The following HESX1 variants were observed in gnomAD, a reference collection of about 807,000 sequenced individuals.
The protein encoded by HESX1 is HESX homeobox 1, also known as homeobox expressed in ES cells 1.
HESX1 carries 11 observed loss-of-function variants against 22.5 expected under a neutral mutation model. That is an observed-to-expected ratio of 0.49 (90% CI 0.31 to 0.81). The LOEUF (loss-of-function observed/expected upper bound fraction) is 0.81, where lower values mean the gene tolerates loss of function less well. HESX1 is among the 30% of genes least tolerant of loss of function. The pLI is 0.05. For missense variants in HESX1, 201 were observed against 212.6 expected (o/e 0.95, Z 0.34); for synonymous variants, 74 against 76.5 (o/e 0.97, Z 0.17).
chr3:57,207,670 G>A (rs2107574327), intron 1 of HESX1, among the ~76,000 whole-genome samples: 1 of 152,292 alleles, frequency 6.6e-6, no homozygotes, highest in East Asian at 1.9e-4. Flanking sequence ...AACAACAACA[G>A]ATTATAAAAT....
At chr3:57,214,664 C>T (rs1475932479) in intron 1 of HESX1, among the ~76,000 whole-genome samples, 1 of 152,188 alleles carries the variant, frequency 6.6e-6, no homozygotes, top group Admixed American at 6.5e-5. Flanking sequence ...AAACTGCTTA[C>T]CATTACTTAC....
At chr3:57,225,271 G>A (rs1224816280) in intron 1 of HESX1, among the ~76,000 whole-genome samples, 1 of 152,178 alleles carries the variant, frequency 6.6e-6, no homozygotes, top group Non-Finnish European at 1.5e-5. Context: ...GTACAAATAG[G>A]TTAAAACTAG....
At chr3:57,206,400 T>C (rs2060519472) in intron 1 of HESX1, among the ~76,000 whole-genome samples, 1 of 152,198 alleles carries the variant, frequency 6.6e-6, no homozygotes, top group African/African-American at 2.4e-5. Context: ...GAAAGTAAAC[T>C]GAAGAGTGAA....
At chr3:57,198,980 T>C in intron 1 of HESX1, 28 bp from the exon 2 acceptor site, 4 of 1,585,442 alleles carry the variant, frequency 2.5e-6, no homozygotes, top group South Asian at 1.1e-5. Flanking sequence ...AGCCCTGTCT[T>C]AGATGGTCAA....
At chr3:57,206,624 A>G (rs1226845522) in intron 1 of HESX1, among the ~76,000 whole-genome samples, 2 of 152,216 alleles carry the variant, frequency 1.3e-5, no homozygotes, top group Non-Finnish European at 2.9e-5. Context: ...CAGTAACCAA[A>G]TGGTAAACAT....
upstream of HESX1, among the ~76,000 whole-genome samples, chr3:57,204,322 T>C (rs9882362): frequency 0.071 from 10,814 of 152,180 alleles, 1,287 homozygotes; most frequent in African/African-American, 0.24. Flanking sequence ...ACTGGCTCCA[T>C]TGAAGTTTTT....
rs145535713 is a variant in HESX1 at position 57,210,851 on chromosome 3, T to C, written c.-110-10823A>G. Among the ~76,000 whole-genome samples, 5 of 152,296 alleles carry C rather than the reference T, an allele frequency of 3.3e-5. No individual in the cohort carries two copies. The East Asian group carries it at 9.6e-4, about 29-fold the overall frequency. On this transcript the variant is annotated intron_variant, in intron 1 of 2. Transcript: ENST00000495160. ...CTACATGTGTATCACTCCAGGGCAA[T>C]CTACAGAAGAGAAGACACTATGGCA...
chr3:57,208,145 C>T (rs531136557), intron 1 of HESX1, among the ~76,000 whole-genome samples: 5 of 152,136 alleles, frequency 3.3e-5, no homozygotes, highest in African/African-American at 1.2e-4. Flanking sequence ...AATGAGGAAA[C>T]TTTTTGGGGT....
At chr3:57,223,386 GTT>G (rs1007712933) in intron 1 of HESX1, among the ~76,000 whole-genome samples, 2 of 148,582 alleles carry the variant, frequency 1.3e-5, no homozygotes, top group African/African-American at 2.5e-5. Flanking sequence ...TTTCCTAGAA[GTT>G]TTTTTTTTTC....
intron 1 of HESX1, among the ~76,000 whole-genome samples, chr3:57,225,416 TCA>T (rs2060636214): frequency 1.3e-5 from 2 of 151,970 alleles, no homozygotes; most frequent in Admixed American, 1.3e-4. Flanking sequence ...CAGTTTCGGC[TCA>T]CTGCAACCTC....
upstream of HESX1, among the ~76,000 whole-genome samples, chr3:57,201,927 C>CTATATATA (rs1553632879): frequency 7.8e-6 from 1 of 128,716 alleles, no homozygotes; most frequent in African/African-American, 3.1e-5. Context: ...ATCTATCTAT[C>CTATATATA]TATTTTTTTG....
chr3:57,205,060 C>T (rs1388915997), intron 1 of HESX1, among the ~76,000 whole-genome samples: 2 of 152,138 alleles, frequency 1.3e-5, no homozygotes, highest in African/African-American at 4.8e-5. Flanking sequence ...ATGAACACAG[C>T]AGCCAGAGGG....
intron 1 of HESX1, among the ~76,000 whole-genome samples, chr3:57,222,881 T>C (rs2060622776): frequency 6.6e-6 from 1 of 152,102 alleles, no homozygotes; most frequent in African/African-American, 2.4e-5. Context: ...TTATTTAAAA[T>C]AGCATCAGGA....
At chr3:57,205,956 C>T (rs1456040509) in intron 1 of HESX1, among the ~76,000 whole-genome samples, 1 of 151,984 alleles carries the variant, frequency 6.6e-6, no homozygotes. Flanking sequence ...TTTGGGAGGC[C>T]GAGGTGGGCG....
chr3:57,199,039 T>C (rs977851232), intron 1 of HESX1, 87 bp from the exon 2 acceptor site: 8 of 1,237,018 alleles, frequency 6.5e-6, no homozygotes, highest in Non-Finnish European at 9.4e-6. Context: ...AACTCATCTT[T>C]CATTTCCTAG....
chr3:57,199,635 A>T (rs1014328981), intron 1 of HESX1, 127 bp downstream of exon 1: 47 of 527,896 alleles, frequency 8.9e-5, no homozygotes, highest in African/African-American at 6.6e-4. Context: ...AAAAAAAAAA[A>T]TAATAAATAA....
Position 57,215,079 on chromosome 3 carries a change from A to G in HESX1, c.-111+11217T>C, listed in dbSNP as rs545920385. Among the ~76,000 whole-genome samples, 3 of 152,316 alleles carry G rather than the reference A, an allele frequency of 2.0e-5. No individual in the cohort carries two copies. The South Asian group carries it at 6.2e-4, about 32-fold the overall frequency. On this transcript the variant is annotated intron_variant, in intron 1 of 2. Coordinates refer to the HESX1 transcript ENST00000495160. The stretch of plus-strand genomic sequence containing the variant: ...TGATAAATGATAAAGATCTAAAAAT[A>G]TTTTAGGGAATAACTTTATCTAGAA...
chr3:57,224,314 T>G (rs2060630926), intron 1 of HESX1, among the ~76,000 whole-genome samples: 1 of 152,210 alleles, frequency 6.6e-6, no homozygotes, highest in Non-Finnish European at 1.5e-5. Flanking sequence ...TAATTTAATT[T>G]TTTTTTGTAG....
At chr3:57,218,013 T>A (rs2060592561) in intron 1 of HESX1, among the ~76,000 whole-genome samples, 1 of 152,200 alleles carries the variant, frequency 6.6e-6, no homozygotes, top group Admixed American at 6.5e-5. Flanking sequence ...TTGTATCTAC[T>A]CCTACTTTAC....
Sources: gnomAD v4.1 joint callset for allele counts (sites outside exome capture counted in the v4.1 genomes callset) on GRCh38, gnomAD v4.1.1 for gene constraint, MANE v1.5 for transcripts, NCBI Gene and HGNC (gene_info 2026-07-23, HGNC 2026-07-21) for gene names.